Variants in TTC6 observed in about 807,000 individuals in gnomAD.
TTC6 encodes tetratricopeptide repeat domain 6.
TTC6 carries 172 observed loss-of-function variants against 210.4 expected under a neutral mutation model. The ratio of observed to expected loss-of-function variants is 0.82; its 90% CI spans 0.72 to 0.93. TTC6 has a LOEUF of 0.93. Among genes scored for constraint, TTC6 ranks in the 40% least tolerant of loss-of-function variants. TTC6 has a pLI of 0.00. For synonymous variants in TTC6, 804 were observed against 819.6 expected (o/e 0.98, Z 0.32); for missense variants, 2,414 against 2,318.1 (o/e 1.04, Z -0.85).
At chr14:37,776,073 C>T (rs1249260671) in intron 14 of TTC6, among the ~76,000 whole-genome samples, 2 of 57,308 alleles carry the variant, frequency 3.5e-5, no homozygotes, top group Admixed American at 2.7e-4. Context: ...TTTTTTGAGA[C>T]GGAGTCTCGC....
chr14:37,817,933 A>G (rs1295363400), intron 26 of TTC6, among the ~76,000 whole-genome samples: 1 of 152,204 alleles, frequency 6.6e-6, no homozygotes, highest in Non-Finnish European at 1.5e-5. Context: ...TGATCCAAGC[A>G]TAGGTGCTGG....
intron 1 of TTC6, among the ~76,000 whole-genome samples, chr14:37,652,538 A>G (rs1272978277): frequency 6.6e-6 from 1 of 152,214 alleles, no homozygotes. Flanking sequence ...TTTTGATCAA[A>G]GTAATACATG....
intron 1 of TTC6, among the ~76,000 whole-genome samples, chr14:37,652,648 A>G (rs2139429076): frequency 6.6e-6 from 1 of 152,246 alleles, no homozygotes; most frequent in African/African-American, 2.4e-5. Context: ...AAAGACAACA[A>G]CTTCCCAGCC....
chr14:37,634,176 A>G (rs1157801263), intron 1 of TTC6, among the ~76,000 whole-genome samples: 1 of 152,248 alleles, frequency 6.6e-6, no homozygotes, highest in Non-Finnish European at 1.5e-5. Flanking sequence ...AAGATTTTAC[A>G]GCAGTTCCTC....
At chr14:37,713,163 C>A (rs2095847256) in intron 5 of TTC6, among the ~76,000 whole-genome samples, 2 of 152,136 alleles carry the variant, frequency 1.3e-5, no homozygotes, top group African/African-American at 4.8e-5. Flanking sequence ...AAAAACAAAC[C>A]AGTAAAAAAC....
chr14:37,759,979 C>G (rs1022126622), intron 14 of TTC6, among the ~76,000 whole-genome samples: 1 of 152,148 alleles, frequency 6.6e-6, no homozygotes, highest in Non-Finnish European at 1.5e-5. Flanking sequence ...TTGTTATTAC[C>G]CACCTTCCGA....
intron 14 of TTC6, among the ~76,000 whole-genome samples, chr14:37,770,142 G>A (rs1427112825): frequency 6.6e-6 from 1 of 151,874 alleles, no homozygotes; most frequent in Non-Finnish European, 1.5e-5. Context: ...CTGAGTTCTA[G>A]TTTGATTGCA....
At chr14:37,652,429 C>CAG (rs1293263861) in intron 1 of TTC6, among the ~76,000 whole-genome samples, 13 of 151,772 alleles carry the variant, frequency 8.6e-5, no homozygotes, top group East Asian at 7.7e-4. Flanking sequence ...AATGATCTAG[C>CAG]AGAGAGAGAG....
chr14:37,796,640 A>G (rs1595280241), intron 19 of TTC6, 147 bp from the exon 22 acceptor site: 2 of 755,980 alleles, frequency 2.6e-6, no homozygotes, highest in South Asian at 2.3e-5. Context: ...TAGTAAATAG[A>G]TCTTACTATG....
chr14:37,675,889 T>A (rs2095768159), intron 1 of TTC6, among the ~76,000 whole-genome samples: 1 of 151,960 alleles, frequency 6.6e-6, no homozygotes, highest in Non-Finnish European at 1.5e-5. Flanking sequence ...TGGAGAAATG[T>A]CAAAAATACT....
At chr14:37,814,034 A>C (rs913356644) in intron 25 of TTC6, among the ~76,000 whole-genome samples, 2 of 152,256 alleles carry the variant, frequency 1.3e-5, no homozygotes, top group Non-Finnish European at 2.9e-5. Context: ...TATTCTCTAA[A>C]CAGATGCTAG....
intron 1 of TTC6, among the ~76,000 whole-genome samples, chr14:37,659,568 C>A (rs947631206): frequency 5.9e-5 from 9 of 151,742 alleles, no homozygotes; most frequent in African/African-American, 2.2e-4. Flanking sequence ...ACTCTTGTTG[C>A]CCAGGCTGGA....
intron 24 of TTC6, among the ~76,000 whole-genome samples, chr14:37,810,368 G>A (rs921940668): frequency 6.6e-6 from 1 of 152,182 alleles, no homozygotes; most frequent in Non-Finnish European, 1.5e-5. Flanking sequence ...AAGAGCCAGT[G>A]CCCTGTTAAT....
chr14:37,667,311 T>C (rs2095750073), intron 1 of TTC6, among the ~76,000 whole-genome samples: 1 of 150,378 alleles, frequency 6.6e-6, no homozygotes, highest in African/African-American at 2.4e-5. Flanking sequence ...TCTCATTTTC[T>C]GGTTCCCCAC....
intron 1 of TTC6, among the ~76,000 whole-genome samples, chr14:37,653,301 A>G (rs177865): frequency 0.32 from 48,139 of 152,068 alleles, 7,744 homozygotes; most frequent in Non-Finnish European, 0.34. Context: ...TTTGCGATGG[A>G]TCCTGAGTGG....
At chr14:37,615,450 T>A (rs1426430731) in intron 2 of TTC6, among the ~76,000 whole-genome samples, 1 of 152,168 alleles carries the variant, frequency 6.6e-6, no homozygotes, top group African/African-American at 2.4e-5. Context: ...TTTGGTATTA[T>A]CCTTACAGGG....
intron 1 of TTC6, among the ~76,000 whole-genome samples, chr14:37,629,492 TAAG>T (rs1363523690): frequency 6.6e-6 from 1 of 152,190 alleles, no homozygotes; most frequent in Non-Finnish European, 1.5e-5. Context: ...CTTATCAACT[TAAG>T]GAGATTTTGG....
chr14:37,624,895 A>T (rs1019454194), intron 1 of TTC6, among the ~76,000 whole-genome samples: 3 of 152,114 alleles, frequency 2.0e-5, no homozygotes, highest in Non-Finnish European at 4.4e-5. Context: ...TGCTAGGATT[A>T]CAGGCTTGAG....
chr14:37,622,389 C>A, exon 1 of TTC6: 1 of 1,532,506 alleles, frequency 6.5e-7, no homozygotes, highest in Non-Finnish European at 8.7e-7. Context: ...GGCGGCGGCT[C>A]CAGGCAAGAC....
Sources: allele counts gnomAD v4.1 joint callset (sites outside exome capture counted in the v4.1 genomes callset), GRCh38; gene constraint gnomAD v4.1.1; transcripts MANE v1.5; gene names NCBI Gene and HGNC (gene_info 2026-07-23, HGNC 2026-07-21).